DIAPH2: variants seen among roughly 807,000 people sequenced by gnomAD.
DIAPH2 encodes the protein protein diaphanous homolog 2.
A neutral mutation model predicts 92.7 loss-of-function variants in DIAPH2; 35 were observed. That is an observed-to-expected ratio of 0.38 (90% CI 0.29 to 0.50). The LOEUF is 0.50. Among genes scored for constraint, DIAPH2 ranks in the 20% least tolerant of loss-of-function variants. The pLI is 0.94. For synonymous variants in DIAPH2, 301 were observed against 280.4 expected (o/e 1.07, Z -0.73); for missense variants, 701 against 819.5 (o/e 0.86, Z 1.77).
At chrX:97,070,510 T>G (rs1189573688) in intron 17 of DIAPH2, among the ~76,000 whole-genome samples, 1 of 111,804 alleles carries the variant, frequency 8.9e-6, no homozygotes, top group Non-Finnish European at 1.9e-5. Context: ...CTCATTGCTG[T>G]TCTTTGAATT....
At chrX:96,844,993 A>G (rs2064961763) in intron 4 of DIAPH2, among the ~76,000 whole-genome samples, 1 of 112,200 alleles carries the variant, frequency 8.9e-6, no homozygotes, top group Non-Finnish European at 1.9e-5. Context: ...ATTTCTTCTT[A>G]GTCTATCATT....
intron 24 of DIAPH2, among the ~76,000 whole-genome samples, chrX:97,353,923 T>C (rs1286536770): frequency 9.0e-6 from 1 of 110,784 alleles, no homozygotes; most frequent in Non-Finnish European, 1.9e-5. Flanking sequence ...CAAGTGATCC[T>C]CCCACCTCAG....
At chrX:96,822,403 C>T (rs2064784347) in intron 4 of DIAPH2, among the ~76,000 whole-genome samples, 1 of 111,400 alleles carries the variant, frequency 9.0e-6, no homozygotes, top group Non-Finnish European at 1.9e-5. Flanking sequence ...TACATTGTGC[C>T]CTGGAATTGT....
intron 23 of DIAPH2, among the ~76,000 whole-genome samples, chrX:97,324,902 C>T (rs1326055243): frequency 2.7e-5 from 3 of 111,012 alleles, no homozygotes; most frequent in Non-Finnish European, 5.7e-5. Context: ...CTGGTTCAAG[C>T]GATTCTCCTG....
intron 4 of DIAPH2, among the ~76,000 whole-genome samples, chrX:96,783,092 C>G (rs1288602125): frequency 4.5e-5 from 5 of 111,559 alleles, no homozygotes; most frequent in Non-Finnish European, 9.4e-5. Flanking sequence ...TTGTGATACT[C>G]GTAAAACAAC....
chrX:96,789,835 T>C (rs1042413454), intron 4 of DIAPH2, among the ~76,000 whole-genome samples: 2 of 111,319 alleles, frequency 1.8e-5, no homozygotes, highest in Non-Finnish European at 3.8e-5. Context: ...TATCTAGGCA[T>C]ATTCTCTGTT....
intron 23 of DIAPH2, among the ~76,000 whole-genome samples, chrX:97,298,820 G>T (rs991097103): frequency 9.1e-6 from 1 of 109,570 alleles, no homozygotes; most frequent in African/African-American, 3.3e-5. Flanking sequence ...GGGTTTCACC[G>T]TGTCAGCCTG....
At chrX:97,105,482 T>C (rs1231601617) in intron 20 of DIAPH2, among the ~76,000 whole-genome samples, 4 of 111,574 alleles carry the variant, frequency 3.6e-5, no homozygotes, top group Non-Finnish European at 5.6e-5. Flanking sequence ...TCCCACAGAA[T>C]TGAATTTGGT....
intron 4 of DIAPH2, among the ~76,000 whole-genome samples, chrX:96,819,818 T>C (rs1421733446): frequency 8.9e-6 from 1 of 112,102 alleles, no homozygotes; most frequent in African/African-American, 3.2e-5. Context: ...AAATATTTGT[T>C]GAATGCCTGC....
At chrX:97,025,931 G>C (rs1000526617) in intron 17 of DIAPH2, among the ~76,000 whole-genome samples, 3 of 111,690 alleles carry the variant, frequency 2.7e-5, no homozygotes, top group African/African-American at 9.8e-5. Flanking sequence ...TTGGACTCTA[G>C]GATCCAGTAG....
At chrX:97,219,232 T>C (rs2067906268) in intron 22 of DIAPH2, among the ~76,000 whole-genome samples, 1 of 112,353 alleles carries the variant, frequency 8.9e-6, no homozygotes, top group Non-Finnish European at 1.9e-5. Flanking sequence ...ATAGAAAAAA[T>C]TTAAAACTCT....
intron 26 of DIAPH2, among the ~76,000 whole-genome samples, chrX:97,509,621 T>C (rs2070868813): frequency 9.4e-6 from 1 of 106,199 alleles, no homozygotes; most frequent in Non-Finnish European, 1.9e-5. Context: ...ACTCGTCATT[T>C]AGCATTAGGT....
intron 4 of DIAPH2, among the ~76,000 whole-genome samples, chrX:96,872,666 G>T (rs2065151869): frequency 9.2e-6 from 1 of 108,358 alleles, no homozygotes; most frequent in Admixed American, 1.0e-4. Flanking sequence ...TAATTTTTTT[G>T]TATTTTTAGT....
chrX:97,030,313 A>G (rs1284297416), intron 17 of DIAPH2, among the ~76,000 whole-genome samples: 1 of 111,619 alleles, frequency 9.0e-6, no homozygotes, highest in Non-Finnish European at 1.9e-5. Flanking sequence ...TTGATAGAGA[A>G]ATAATTGGGT....
At chrX:97,178,831 G>A (rs1346422764) in intron 22 of DIAPH2, among the ~76,000 whole-genome samples, 1 of 111,007 alleles carries the variant, frequency 9.0e-6, no homozygotes, top group Non-Finnish European at 1.9e-5. Flanking sequence ...GATGGGATTA[G>A]GACTCATAAA....
chrX:96,724,725 T>A (rs1325198820), intron 1 of DIAPH2, among the ~76,000 whole-genome samples: 1 of 111,897 alleles, frequency 8.9e-6, no homozygotes, highest in African/African-American at 3.3e-5. Context: ...TGTCTTAACA[T>A]CCAGATGAAA....
intron 20 of DIAPH2, among the ~76,000 whole-genome samples, chrX:97,104,554 A>C (rs1008327380): frequency 1.8e-4 from 20 of 109,150 alleles, no homozygotes; most frequent in African/African-American, 6.0e-4. Flanking sequence ...TTTTTTAAAA[A>C]TTTTTCTGTA....
intron 23 of DIAPH2, among the ~76,000 whole-genome samples, chrX:97,342,135 C>T (rs768482577): frequency 1.8e-5 from 2 of 112,038 alleles, no homozygotes; most frequent in South Asian, 7.4e-4. Context: ...TTAAGATGTT[C>T]AGATTGATGA....
intron 1 of DIAPH2, among the ~76,000 whole-genome samples, chrX:96,688,728 A>G (rs2063784198): frequency 8.9e-6 from 1 of 112,271 alleles, no homozygotes; most frequent in Non-Finnish European, 1.9e-5. Flanking sequence ...CATAATTCTA[A>G]GGGTTGGTGA....
Sources: allele counts gnomAD v4.1 joint callset (sites outside exome capture counted in the v4.1 genomes callset), GRCh38; gene constraint gnomAD v4.1.1; transcripts MANE v1.5; gene names NCBI Gene and HGNC (gene_info 2026-07-23, HGNC 2026-07-21).